The following RBMS3 variants were observed in gnomAD, a reference collection of about 807,000 sequenced individuals.
RBMS3 encodes the protein RNA-binding motif, single-stranded-interacting protein 3.
RBMS3 carries 27 observed loss-of-function variants against 66.8 expected under a neutral mutation model. The ratio of observed to expected loss-of-function variants is 0.40; its 90% CI spans 0.30 to 0.56. The LOEUF (loss-of-function observed/expected upper bound fraction) is 0.56. Ranked by LOEUF, RBMS3 falls within the 20% of genes least tolerant of loss-of-function variation. The pLI is 0.40. For missense variants in RBMS3, 513 were observed against 549.5 expected (o/e 0.93, Z 0.66); for synonymous variants, 188 against 183.0 (o/e 1.03, Z -0.22).
chr3:29,846,828 CAA>C (rs143511751), intron 6 of RBMS3, among the ~76,000 whole-genome samples: 2,146 of 152,134 alleles, frequency 0.014, 51 homozygotes, highest in African/African-American at 0.049. Context: ...TAGCCAAGAA[CAA>C]AGAGGAATTT....
chr3:29,745,456 G>A (rs2054846145), intron 5 of RBMS3, among the ~76,000 whole-genome samples: 1 of 152,122 alleles, frequency 6.6e-6, no homozygotes, highest in African/African-American at 2.4e-5. Context: ...TCCAGAGTCT[G>A]GAGGGCCATG....
At chr3:29,285,195 C>G (rs9821454) in intron 1 of RBMS3, among the ~76,000 whole-genome samples, 94,168 of 135,242 alleles carry the variant, frequency 0.7, 32,476 homozygotes, top group South Asian at 0.74. Context: ...GAGATCCCAG[C>G]TGAATTTCAT....
chr3:29,844,137 T>G (rs1202726909), intron 6 of RBMS3, among the ~76,000 whole-genome samples: 1 of 152,126 alleles, frequency 6.6e-6, no homozygotes, highest in Non-Finnish European at 1.5e-5. Flanking sequence ...AGTGGAAGAG[T>G]GCAAATAGAT....
At chr3:29,956,788 G>A (rs183540148) in intron 12 of RBMS3, among the ~76,000 whole-genome samples, 11 of 152,168 alleles carry the variant, frequency 7.2e-5, no homozygotes, top group East Asian at 1.9e-4. Context: ...CCAGAGCCAC[G>A]TTTCTGAAAC....
chr3:29,817,733 G>A (rs1446528434), intron 6 of RBMS3, among the ~76,000 whole-genome samples: 1 of 151,944 alleles, frequency 6.6e-6, no homozygotes, highest in Non-Finnish European at 1.5e-5. Flanking sequence ...TATATTACTA[G>A]TGGAAACTTT....
chr3:29,958,512 T>A (rs1384365803), intron 12 of RBMS3, among the ~76,000 whole-genome samples: 1 of 152,178 alleles, frequency 6.6e-6, no homozygotes, highest in African/African-American at 2.4e-5. Context: ...GGAAAGTATG[T>A]TTGATTGATG....
intron 6 of RBMS3, among the ~76,000 whole-genome samples, chr3:29,781,874 C>G (rs1157352912): frequency 6.6e-6 from 1 of 152,088 alleles, no homozygotes; most frequent in East Asian, 1.9e-4. Flanking sequence ...CTTTCCCCCA[C>G]TTCCCTGGTG....
At chr3:29,715,743 T>C (rs1159294502) in intron 4 of RBMS3, among the ~76,000 whole-genome samples, 1 of 152,148 alleles carries the variant, frequency 6.6e-6, no homozygotes, top group Non-Finnish European at 1.5e-5. Flanking sequence ...GCATAGAGCC[T>C]ATTCTCTAGT....
At chr3:29,798,935 T>TTG (rs889547186) in intron 6 of RBMS3, among the ~76,000 whole-genome samples, 1 of 151,668 alleles carries the variant, frequency 6.6e-6, no homozygotes, top group African/African-American at 2.4e-5. Flanking sequence ...TCTGGTTTTT[T>TTG]TTTTTTTTTT....
chr3:29,542,916 T>C (rs553552548), intron 3 of RBMS3, among the ~76,000 whole-genome samples: 31 of 152,178 alleles, frequency 2.0e-4, no homozygotes, highest in Non-Finnish European at 3.7e-4. Flanking sequence ...AGGTAAAATT[T>C]AATAGTTCAT....
chr3:29,285,994 A>G (rs2032297078), intron 1 of RBMS3, among the ~76,000 whole-genome samples: 1 of 152,180 alleles, frequency 6.6e-6, no homozygotes, highest in Non-Finnish European at 1.5e-5. Context: ...TCAGATTTGC[A>G]TTGATATCCA....
At chr3:29,933,861 A>T (rs1171008974) in intron 10 of RBMS3, 1 of 152,114 alleles carries the variant, frequency 6.6e-6, no homozygotes, top group South Asian at 2.1e-4. Context: ...TCTGTAATCA[A>T]ATGAGTCCCC....
chr3:29,630,637 C>T (rs2049250493), intron 4 of RBMS3, among the ~76,000 whole-genome samples: 1 of 151,960 alleles, frequency 6.6e-6, no homozygotes. Context: ...TAGATGTCAT[C>T]ACTGGCATTT....
intron 1 of RBMS3, among the ~76,000 whole-genome samples, chr3:29,356,750 A>T (rs1329303167): frequency 6.6e-6 from 1 of 152,142 alleles, no homozygotes; most frequent in Non-Finnish European, 1.5e-5. Context: ...TTGTCAGTGG[A>T]TGTGTGCATA....
intron 4 of RBMS3, among the ~76,000 whole-genome samples, chr3:29,737,297 G>T (rs576982852): frequency 3.3e-5 from 5 of 152,210 alleles, no homozygotes; most frequent in African/African-American, 1.2e-4. Context: ...TTTTAAAATA[G>T]ATTTATTTAA....
At chr3:29,473,766 G>A (rs1023857929) in intron 2 of RBMS3, among the ~76,000 whole-genome samples, 3 of 152,294 alleles carry the variant, frequency 2.0e-5, no homozygotes, top group African/African-American at 4.8e-5. Context: ...CTCATTGCCC[G>A]GGGCCGGCAG....
At chr3:29,585,881 A>C (rs557721991) in intron 3 of RBMS3, among the ~76,000 whole-genome samples, 1 of 152,220 alleles carries the variant, frequency 6.6e-6, no homozygotes, top group South Asian at 2.1e-4. Context: ...CTGCTGTGTA[A>C]CAAGTTCATT....
At chr3:29,425,014 G>C (rs1017617410) in intron 1 of RBMS3, among the ~76,000 whole-genome samples, 4 of 151,696 alleles carry the variant, frequency 2.6e-5, no homozygotes, top group Admixed American at 2.6e-4. Flanking sequence ...TACATCCATT[G>C]GTCTTCATTC....
chr3:29,703,469 A>G (rs2052726079), intron 4 of RBMS3, among the ~76,000 whole-genome samples: 1 of 152,248 alleles, frequency 6.6e-6, no homozygotes, highest in South Asian at 2.1e-4. Context: ...TCTGAATATC[A>G]GATGGGAACT....
Sources: allele counts gnomAD v4.1 joint callset (sites outside exome capture counted in the v4.1 genomes callset), GRCh38; gene constraint gnomAD v4.1.1; transcripts MANE v1.5; gene names NCBI Gene and HGNC (gene_info 2026-07-23, HGNC 2026-07-21).